GRM8: variants seen among roughly 807,000 people sequenced by gnomAD.
GRM8 encodes glutamate metabotropic receptor 8, also known as metabotropic glutamate receptor 8.
GRM8 carries 47 observed loss-of-function variants against 87.2 expected under a neutral mutation model. The observed-to-expected ratio is 0.54, with a 90% CI of 0.43 to 0.69. GRM8 has a LOEUF of 0.69. Among genes scored for constraint, GRM8 ranks in the 30% least tolerant of loss-of-function variants. GRM8 has a pLI of 0.00. For missense variants in GRM8, 1,019 were observed against 1,139.2 expected, an observed-to-expected ratio of 0.89 and a Z score of 1.52; for synonymous variants, 396 against 404.5, an observed-to-expected ratio of 0.98 and a Z score of 0.25.
chr7:126,611,453 G>C (rs945544925), intron 7 of GRM8, among the ~76,000 whole-genome samples: 5 of 152,196 alleles, frequency 3.3e-5, no homozygotes, highest in Admixed American at 3.3e-4. Context: ...AAAGGATGTT[G>C]AAAGTTCTCT....
At chr7:126,501,620 A>G (rs2150697880) in intron 9 of GRM8, among the ~76,000 whole-genome samples, 1 of 152,164 alleles carries the variant, frequency 6.6e-6, no homozygotes, top group Non-Finnish European at 1.5e-5. Flanking sequence ...ACATTAAATA[A>G]GAGCAAATAC....
chr7:126,540,277 T>C (rs1482728772), intron 8 of GRM8, among the ~76,000 whole-genome samples: 1 of 151,986 alleles, frequency 6.6e-6, no homozygotes, highest in African/African-American at 2.4e-5. Flanking sequence ...TAATAAAAAA[T>C]AAAGACAATA....
chr7:126,891,833 G>A (rs148680955), intron 6 of GRM8, among the ~76,000 whole-genome samples: 6 of 151,620 alleles, frequency 4.0e-5, no homozygotes, highest in East Asian at 1.9e-4. Flanking sequence ...TTTTGCTCAC[G>A]AACATGTCCT....
intron 9 of GRM8, among the ~76,000 whole-genome samples, chr7:126,510,293 C>CA (rs3038818): frequency 0.27 from 34,547 of 129,830 alleles, 4,229 homozygotes; most frequent in African/African-American, 0.3. Flanking sequence ...TAGGTTTTAG[C>CA]AAAAAAAAAA....
chr7:126,866,918 CAG>C (rs1798649031), intron 6 of GRM8, among the ~76,000 whole-genome samples: 1 of 151,956 alleles, frequency 6.6e-6, no homozygotes, highest in African/African-American at 2.4e-5. Context: ...GGTTTGAACA[CAG>C]TGGTAATTTT....
chr7:127,035,931 T>G (rs17861388), intron 3 of GRM8, among the ~76,000 whole-genome samples: 1 of 152,168 alleles, frequency 6.6e-6, no homozygotes, highest in African/African-American at 2.4e-5. Flanking sequence ...ATATGACAGG[T>G]ATTTCTCTCT....
At chr7:127,145,292 C>A (rs945050268) in intron 2 of GRM8, among the ~76,000 whole-genome samples, 17 of 152,030 alleles carry the variant, frequency 1.1e-4, no homozygotes, top group Non-Finnish European at 2.4e-4. Flanking sequence ...TAATGTCATT[C>A]GCAAATAAGT....
intron 8 of GRM8, among the ~76,000 whole-genome samples, chr7:126,552,032 T>A (rs1792644738): frequency 6.6e-6 from 1 of 152,128 alleles, no homozygotes; most frequent in African/African-American, 2.4e-5. Flanking sequence ...TCATCTTCTT[T>A]TACATGTCTC....
At chr7:126,453,134 C>T (rs1802838674) in intron 9 of GRM8, among the ~76,000 whole-genome samples, 1 of 150,312 alleles carries the variant, frequency 6.7e-6, no homozygotes, top group African/African-American at 2.4e-5. Context: ...ATGGTTTATT[C>T]ATAAGGAAAT....
chr7:126,947,523 G>T (rs952460055), intron 3 of GRM8, among the ~76,000 whole-genome samples: 2 of 151,688 alleles, frequency 1.3e-5, no homozygotes, highest in Non-Finnish European at 2.9e-5. Context: ...TTATCTTAAT[G>T]TATATATATT....
intron 6 of GRM8, among the ~76,000 whole-genome samples, chr7:126,863,550 T>G (rs979062872): frequency 2.6e-5 from 4 of 152,156 alleles, no homozygotes; most frequent in African/African-American, 9.7e-5. Flanking sequence ...AAGACAAGCT[T>G]AGTCAAACCC....
At chr7:126,585,778 G>A (rs1796054428) in intron 8 of GRM8, among the ~76,000 whole-genome samples, 2 of 152,262 alleles carry the variant, frequency 1.3e-5, no homozygotes, top group South Asian at 4.1e-4. Context: ...CACAAGACAG[G>A]GATGCCCTCT....
At chr7:127,143,732 G>A (rs1425251851) in intron 2 of GRM8, among the ~76,000 whole-genome samples, 2 of 151,938 alleles carry the variant, frequency 1.3e-5, no homozygotes, top group East Asian at 1.9e-4. Flanking sequence ...ATTATATATG[G>A]AAAAAAATTA....
At chr7:126,911,663 C>T (rs1460891074) in intron 3 of GRM8, among the ~76,000 whole-genome samples, 1 of 152,274 alleles carries the variant, frequency 6.6e-6, no homozygotes, top group Middle Eastern at 3.4e-3. Context: ...TGATGCAGGG[C>T]TCAGGGGAAG....
intron 6 of GRM8, among the ~76,000 whole-genome samples, chr7:126,778,780 T>C (rs1819741767): frequency 6.6e-6 from 1 of 152,104 alleles, no homozygotes; most frequent in South Asian, 2.1e-4. Flanking sequence ...CCACCCCCAA[T>C]ATGTTACAGT....
intron 8 of GRM8, among the ~76,000 whole-genome samples, chr7:126,587,085 A>G (rs1188672012): frequency 6.6e-6 from 1 of 152,232 alleles, no homozygotes; most frequent in Non-Finnish European, 1.5e-5. Flanking sequence ...AATGCTCATC[A>G]TCACTGGTCA....
At chr7:126,689,324 C>G (rs1808540992) in intron 7 of GRM8, among the ~76,000 whole-genome samples, 1 of 152,136 alleles carries the variant, frequency 6.6e-6, no homozygotes, top group Non-Finnish European at 1.5e-5. Flanking sequence ...CAAGCAACAA[C>G]CATTCTTAGC....
At chr7:126,545,035 A>C (rs2150907568) in intron 8 of GRM8, among the ~76,000 whole-genome samples, 1 of 152,350 alleles carries the variant, frequency 6.6e-6, no homozygotes, top group African/African-American at 2.4e-5. Flanking sequence ...TCAGCTCTTA[A>C]TAATGGTTTC....
chr7:126,514,177 G>A (rs963853129), intron 9 of GRM8, among the ~76,000 whole-genome samples: 2 of 152,114 alleles, frequency 1.3e-5, no homozygotes, highest in African/African-American at 2.4e-5. Context: ...CAGCAAGTCC[G>A]CAGATGCTGG....
Sources: gnomAD v4.1 joint callset for allele counts (sites outside exome capture counted in the v4.1 genomes callset) on GRCh38, gnomAD v4.1.1 for gene constraint, MANE v1.5 for transcripts, NCBI Gene and HGNC (gene_info 2026-07-23, HGNC 2026-07-21) for gene names.